The following NLN variants were observed in gnomAD, a reference collection of about 807,000 sequenced individuals.
NLN encodes the protein neurolysin.
In NLN, 64 loss-of-function variants were observed where a neutral mutation model predicts 79.9. The observed-to-expected ratio is 0.80, with a 90% CI of 0.65 to 0.99. NLN has a LOEUF of 0.99. NLN is among the 50% of genes least tolerant of loss of function. The probability of loss-of-function intolerance (pLI) is 0.00; values close to 1 mark genes in which losing one functional copy is unlikely to be tolerated. For synonymous variants in NLN, 267 were observed against 296.6 expected (o/e 0.90, Z 1.02); for missense variants, 835 against 858.7 (o/e 0.97, Z 0.34).
intron 7 of NLN, 35 bp from the exon 8 acceptor site, chr5:65,788,083 G>T (rs765064797): frequency 6.3e-7 from 1 of 1,587,850 alleles, no homozygotes; most frequent in Non-Finnish European, 8.6e-7. Context: ...GCTTCCAAAA[G>T]CAAGTAGATC....
rs189239503 is a variant in NLN at position 65,799,080 on chromosome 5, C to G, written c.1527+6425C>G. Among the ~76,000 whole-genome samples the G allele has an allele frequency of 5.1e-4, 78 of 152,262 alleles. 1 individual carries two copies. The highest frequency in any genetic ancestry group is 1.8e-3 in the African/African-American group (73 of 41,540). Reference sequence around the variant, plus strand: ...TATTTTTTGTAGAGATAGGGTTTCACCATGTTGCCCAGGCTGATCTTGAAT... The same window carrying G: ...TATTTTTTGTAGAGATAGGGTTTCAGCATGTTGCCCAGGCTGATCTTGAAT... On this transcript the variant is annotated intron_variant, in intron 9 of 12. Transcript: ENST00000380985.
At chr5:65,732,506 T>C (rs1304890384) in intron 1 of NLN, among the ~76,000 whole-genome samples, 1 of 142,362 alleles carries the variant, frequency 7.0e-6, no homozygotes, top group Non-Finnish European at 1.6e-5. Context: ...ACACCAATGA[T>C]CCTGTCTCTA....
chr5:65,757,612 G>A (rs144350890), intron 1 of NLN, among the ~76,000 whole-genome samples: 38 of 152,178 alleles, frequency 2.5e-4, no homozygotes, highest in Non-Finnish European at 4.0e-4. Flanking sequence ...ATATGTATAT[G>A]TATGCATATG....
intron 8 of NLN, 88 bp downstream of exon 8, chr5:65,788,572 AT>A: frequency 7.5e-7 from 1 of 1,333,780 alleles, no homozygotes; most frequent in African/African-American, 1.5e-5. Flanking sequence ...ACAGTGGCTC[AT>A]GCCTGTAATC....
At chr5:65,811,096 TG>T (rs1385814693) in intron 11 of NLN, among the ~76,000 whole-genome samples, 1 of 152,338 alleles carries the variant, frequency 6.6e-6, no homozygotes, top group East Asian at 1.9e-4. Context: ...GACTCATGCA[TG>T]GGCGTGTTTA....
chr5:65,759,912 A>G (rs1029311265), intron 2 of NLN, among the ~76,000 whole-genome samples: 1 of 152,120 alleles, frequency 6.6e-6, no homozygotes, highest in Non-Finnish European at 1.5e-5. Context: ...TTTATAACAT[A>G]TTAGACCCTT....
chr5:65,757,955 G>A (rs1487301169), intron 1 of NLN, among the ~76,000 whole-genome samples: 3 of 152,072 alleles, frequency 2.0e-5, no homozygotes, highest in South Asian at 4.1e-4. Context: ...GATACTGGCC[G>A]GGTGCAGTGG....
intron 9 of NLN, among the ~76,000 whole-genome samples, chr5:65,802,226 G>A (rs1195033749): frequency 3.3e-5 from 5 of 152,346 alleles, no homozygotes; most frequent in South Asian, 2.1e-4. Context: ...AGGGCAAGTG[G>A]AGTGGCAAGG....
intron 2 of NLN, among the ~76,000 whole-genome samples, chr5:65,762,137 CATT>C (rs536581878): frequency 1.6e-4 from 24 of 152,244 alleles, no homozygotes; most frequent in African/African-American, 5.5e-4. Context: ...ACTAAATTAT[CATT>C]ATTATTTAAT....
In NLN at chr5:65,783,717, A is replaced by AAAT. The variant is rs1190637761; in HGVS notation, c.823-2057_823-2055dup. Among the ~76,000 whole-genome samples, 6 of 152,008 alleles carry AAAT rather than the reference A, an allele frequency of 3.9e-5. No homozygotes were observed. The South Asian group carries it at 6.2e-4, about 16-fold the overall frequency. On this transcript the variant is annotated intron_variant, in intron 6 of 12. Coordinates refer to ENST00000380985, the MANE Select transcript of NLN (RefSeq NM_020726.5). ...TCTATGAAAATTAAAAAAAAAAAAA[A>AAAT]AATTCAGAGTTATATTACTAAAAGA... is the stretch of plus-strand genomic sequence containing the variant.
intron 3 of NLN, among the ~76,000 whole-genome samples, chr5:65,770,994 T>C (rs1446907324): frequency 6.6e-6 from 1 of 152,166 alleles, no homozygotes; most frequent in Non-Finnish European, 1.5e-5. Flanking sequence ...GAGTAGTTAT[T>C]TTTTGCACAG....
At chr5:65,723,122 C>CG (rs1280450605) in intron 1 of NLN, 1 of 152,222 alleles carries the variant, frequency 6.6e-6, no homozygotes, top group Non-Finnish European at 1.5e-5. Context: ...CGCTGGTTTT[C>CG]GGAAACAATG....
At chr5:65,801,945 A>G (rs1760293914) in intron 9 of NLN, among the ~76,000 whole-genome samples, 1 of 152,196 alleles carries the variant, frequency 6.6e-6, no homozygotes, top group Admixed American at 6.5e-5. Context: ...TACAAGCAGG[A>G]TATACAAAGT....
chr5:65,778,218 A>T (rs1431580589), intron 4 of NLN, among the ~76,000 whole-genome samples: 2 of 152,232 alleles, frequency 1.3e-5, no homozygotes, highest in Non-Finnish European at 2.9e-5. Context: ...ATGCCTCTCA[A>T]ACTTTTTCTT....
chr5:65,795,537 ATTAGCCGGGC>A (rs1448041823), intron 9 of NLN, among the ~76,000 whole-genome samples: 1 of 152,124 alleles, frequency 6.6e-6, no homozygotes, highest in South Asian at 2.1e-4. Flanking sequence ...AAATACAAAA[ATTAGCCGGGC>A]ATAGTGGCAC....
In NLN at chr5:65,792,660, G is replaced by A. The variant is rs754037262; in HGVS notation, c.1527+5G>A. ...ATGCATCAGATTTGTGCACAGGTGA[G>A]TTTTTTTTTTCCCCCAGTAAACCTG... On this transcript the variant is annotated splice_donor_5th_base_variant and intron_variant, in intron 9 of 12. Transcript: ENST00000380985. The A allele has an allele frequency of 2.0e-6, 3 of 1,516,914 alleles. No homozygotes were observed. Among genetic ancestry groups the A allele is most frequent in the Admixed American group, 1.8e-5 (1 of 56,622 alleles). 94.0% of individuals were successfully genotyped at this position (1,516,914 alleles called of 1,614,324 possible).
chr5:65,767,465 A>C lies in NLN; in HGVS notation c.450+4357A>C, dbSNP rs1266800193. On this transcript the variant is annotated intron_variant, in intron 3 of 12. Transcript: ENST00000380985. ...ACTATGTCCTGAGGCTGCAGAGAGCAGGGGAAGGAGGGGGGAGCACAAAAC... is the reference window on the plus strand; with the variant it reads ...ACTATGTCCTGAGGCTGCAGAGAGCCGGGGAAGGAGGGGGGAGCACAAAAC... Among the ~76,000 whole-genome samples, 5 of 152,186 alleles carry C rather than the reference A, an allele frequency of 3.3e-5. No homozygotes were observed. In the East Asian group the frequency reaches 9.6e-4, roughly 29 times the overall value.
intron 9 of NLN, among the ~76,000 whole-genome samples, chr5:65,805,557 C>G (rs1356533283): frequency 6.6e-5 from 10 of 152,182 alleles, no homozygotes; most frequent in Non-Finnish European, 1.5e-4. Flanking sequence ...GACCCTAACT[C>G]CCATTCTATG....
intron 3 of NLN, among the ~76,000 whole-genome samples, chr5:65,766,095 G>A (rs1352356115): frequency 6.6e-6 from 1 of 152,170 alleles, no homozygotes; most frequent in African/African-American, 2.4e-5. Context: ...AAAGGAATTA[G>A]TTGGACAGTT....
Sources: gnomAD v4.1 joint callset for allele counts (sites outside exome capture counted in the v4.1 genomes callset) on GRCh38, gnomAD v4.1.1 for gene constraint, MANE v1.5 for transcripts, NCBI Gene and HGNC (gene_info 2026-07-23, HGNC 2026-07-21) for gene names.